Variants in SLC6A16 observed in about 807,000 individuals in gnomAD.
SLC6A16 encodes solute carrier family 6 member 16.
A neutral mutation model predicts 65.4 loss-of-function variants in SLC6A16; 54 were observed. The ratio of observed to expected loss-of-function variants is 0.83; its 90% CI spans 0.66 to 1.04. The LOEUF is 1.04. Among genes scored for constraint, SLC6A16 ranks in the 50% least tolerant of loss-of-function variants. The pLI is 0.00. For synonymous variants in SLC6A16, 330 were observed against 346.5 expected (o/e 0.95, Z 0.53); for missense variants, 816 against 914.0 (o/e 0.89, Z 1.38).
intron 7 of SLC6A16, among the ~76,000 whole-genome samples, chr19:49,296,967 C>T (rs1970198267): frequency 6.6e-6 from 1 of 152,082 alleles, no homozygotes; most frequent in Non-Finnish European, 1.5e-5. Context: ...CCAGCCTGGG[C>T]AACAGAGTGA....
chr19:49,309,961 C>T lies in SLC6A16; in HGVS notation c.700+79G>A, dbSNP rs1970480107. 14 of 1,536,244 alleles carry T rather than the reference C, an allele frequency of 9.1e-6. No individual in the cohort carries two copies. The Admixed American group carries it at 2.5e-4, about 27-fold the overall frequency. ...CTTCTTCCTCTTCCTTGTCCCTCCC[C>T]ACTCTCTCCTATTCCAAATTCCCTT... On this transcript the variant is annotated intron_variant, in intron 4 of 11. Coordinates refer to ENST00000335875, the MANE Select transcript of SLC6A16 (RefSeq NM_014037.3).
rs1034204007 is a variant in SLC6A16 at position 49,310,109 on chromosome 19, T to C, written c.631A>G (p.Met211Val). The change falls in exon 4 of 12, where the codon ATG becomes GTG. Residue 211 changes from methionine (M) to valine (V), a missense_variant. Met to Val is a conservative substitution (Grantham distance 21, BLOSUM62 1). Coordinates refer to ENST00000335875, the MANE Select transcript of SLC6A16 (RefSeq NM_014037.3). ...ACGGGAAACTGGAAGGACTGGCTCA[T>C]GTAGAAGATGATCCAGGAATTGACC... The part of the protein sequence containing the change: ...NVVNSWIIFY[M>V]SQSFQFPVPW... 13 of 1,613,932 alleles carry C rather than the reference T, an allele frequency of 8.1e-6. No homozygotes were observed. The highest frequency in any genetic ancestry group is 2.2e-5 in the East Asian group (1 of 44,870).
intron 1 of SLC6A16, among the ~76,000 whole-genome samples, chr19:49,316,642 A>C (rs1233568361): frequency 2.6e-5 from 4 of 152,086 alleles, no homozygotes; most frequent in African/African-American, 9.7e-5. Context: ...AAATTAACCA[A>C]CCAGGGATCT....
chr19:49,325,347 G>A (rs1970783552), upstream of SLC6A16: 3 of 609,540 alleles, frequency 4.9e-6, no homozygotes, highest in Middle Eastern at 8.4e-4. Context: ...TCCTCTGACT[G>A]CTCACGCGCC....
the SLC6A16 span, chr19:49,338,692 T>C: frequency 2.5e-6 from 4 of 1,602,842 alleles, no homozygotes; most frequent in Non-Finnish European, 8.5e-7. This position sits in a 1 kb window ranked among gnomAD's most constrained non-coding sequence, Gnocchi z 5.0. Context: ...CTCGTATCCC[T>C]CTCCCAGCTG....
Position 49,293,770 on chromosome 19 carries a change from TC to T in SLC6A16, c.1618+56del, listed in dbSNP as rs1970126757. On this transcript the variant is annotated intron_variant, in intron 9 of 11. Coordinates refer to ENST00000335875, the MANE Select transcript of SLC6A16 (RefSeq NM_014037.3). ...CAGGGACCCTGTCCCAAAAAAAGAG[TC>T]CCAGTGGTGTCAGGGGTCAGGGTCA... The T allele has an allele frequency of 6.1e-5, 91 of 1,484,290 alleles. 1 individual carries two copies. The South Asian group carries it at 9.0e-4, about 15-fold the overall frequency. 91.9% of individuals were successfully genotyped at this position (1,484,290 alleles called of 1,614,324 possible). A position where few individuals can be genotyped will look rare whatever the true frequency, so the allele number is the denominator to read the frequency against.
rs150729768 is a variant in SLC6A16 at position 49,304,577 on chromosome 19, C to A, written c.1229+4299G>T. On this transcript the variant is annotated intron_variant, in intron 7 of 11. Transcript: ENST00000335875. ...GGTCGAAAGTTCGAGACCAGCCTGACCAACATGGAGAAACCCCGTCTCTAC... is the reference window on the plus strand; with the variant it reads ...GGTCGAAAGTTCGAGACCAGCCTGAACAACATGGAGAAACCCCGTCTCTAC... 6.4e-3 allele frequency among the ~76,000 whole-genome samples: 972 copies of A among 152,206 alleles called. 15 individuals are homozygous for A. The highest frequency in any genetic ancestry group is 0.022 in the African/African-American group (894 of 41,526).
intron 7 of SLC6A16, among the ~76,000 whole-genome samples, chr19:49,303,903 C>G (rs1250521235): frequency 2.6e-5 from 4 of 152,146 alleles, no homozygotes; most frequent in African/African-American, 9.7e-5. Flanking sequence ...GAGATGATAA[C>G]AAAAGACTAT....
the SLC6A16 span, among the ~76,000 whole-genome samples, chr19:49,330,739 C>G: frequency 6.6e-6 from 1 of 152,196 alleles, no homozygotes. Flanking sequence ...GTCAGGAGTT[C>G]AAGACCAGCC....
chr19:49,336,826 A>AGCCAC, the SLC6A16 span: 5 of 1,511,546 alleles, frequency 3.3e-6, 1 homozygote. Flanking sequence ...ACTGCTCCCC[A>AGCCAC]CTTGGGTGGC....
upstream of SLC6A16, among the ~76,000 whole-genome samples, chr19:49,327,143 G>A (rs985131945): frequency 1.3e-5 from 2 of 150,494 alleles, no homozygotes; most frequent in Middle Eastern, 3.2e-3. Flanking sequence ...GCATAATCTC[G>A]GCTCACTGCA....
Position 49,312,997 on chromosome 19 carries a change from C to T in SLC6A16, c.-64-1586G>A, listed in dbSNP as rs1011750149. ...ACTCAGGAGGCTGAGGCAGGAGGAT[C>T]GTTTGAACACAGGAGGCGGAGGTTG... On this transcript the variant is annotated intron_variant, in intron 1 of 11. Transcript: ENST00000335875. Among the ~76,000 whole-genome samples the T allele has an allele frequency of 3.5e-4, 50 of 143,912 alleles. 1 individual carries two copies. Among genetic ancestry groups the T allele is most frequent in the Non-Finnish European group, 6.7e-4 (45 of 67,306 alleles). The allele number at this position is 143,912 out of a possible 152,430, so 94.4% of individuals were successfully genotyped here.
At position 49,306,883 on chromosome 19, in the gene SLC6A16, T is replaced by C. The variant is rs906297810; in HGVS notation, c.1229+1993A>G. Among the ~76,000 whole-genome samples, 3 of 152,134 alleles carry C rather than the reference T, an allele frequency of 2.0e-5. No individual in the cohort carries two copies. The East Asian group carries it at 5.8e-4, about 29-fold the overall frequency. Reference sequence around the variant, plus strand: ...TGATCATCTATGTATGCGTATCTACTAAGCAATATAGTAACCACTATCCTG... The same window carrying C: ...TGATCATCTATGTATGCGTATCTACCAAGCAATATAGTAACCACTATCCTG... On this transcript the variant is annotated intron_variant, in intron 7 of 11. Transcript: ENST00000335875.
chr19:49,302,807 A>G (rs1970314352), intron 7 of SLC6A16, among the ~76,000 whole-genome samples: 1 of 150,952 alleles, frequency 6.6e-6, no homozygotes, highest in Admixed American at 6.8e-5. Flanking sequence ...AAAAGAACCA[A>G]ACAAACATTT....
chr19:49,301,384 A>G (rs1381167727), intron 7 of SLC6A16, among the ~76,000 whole-genome samples: 1 of 152,188 alleles, frequency 6.6e-6, no homozygotes. Context: ...TTACGGAGAT[A>G]ATGGGGAACC....
chr19:49,325,240 G>GC, upstream of SLC6A16: 1 of 984,452 alleles, frequency 1.0e-6, no homozygotes, highest in Non-Finnish European at 1.2e-6. Flanking sequence ...GCGCCGCCGC[G>GC]CCCCCTCACT....
the SLC6A16 span, chr19:49,339,438 C>T: frequency 6.2e-7 from 1 of 1,603,890 alleles, no homozygotes; most frequent in South Asian, 1.1e-5. The surrounding 1 kb of genome is among the most constrained non-coding windows in gnomAD (Gnocchi z 4.5). Context: ...CCCCCACCCG[C>T]GATCGGCCCT....
intron 10 of SLC6A16, chr19:49,293,022 A>T: frequency 1.9e-6 from 1 of 523,376 alleles, no homozygotes; most frequent in Non-Finnish European, 3.4e-6. Context: ...CCTATCCCTG[A>T]TGACTAAAAT....
At chr19:49,309,489 G>A (rs1006384287) in intron 5 of SLC6A16, 78 bp from the exon 6 acceptor site, 29 of 1,347,742 alleles carry the variant, frequency 2.2e-5, no homozygotes, top group Middle Eastern at 1.8e-4. Flanking sequence ...CAAAAGTTCT[G>A]AGTCAGAAAT....
Sources: gnomAD v4.1 joint callset for allele counts (sites outside exome capture counted in the v4.1 genomes callset) on GRCh38, gnomAD v4.1.1 for gene constraint, Gnocchi (gnomAD v3.1) non-coding constraint, MANE v1.5 for transcripts, NCBI Gene and HGNC (gene_info 2026-07-23, HGNC 2026-07-21) for gene names.